Variants in GABRB2 observed in about 807,000 individuals in gnomAD.
The protein encoded by GABRB2 is gamma-aminobutyric acid type A receptor subunit beta2.
GABRB2 carries 16 observed loss-of-function variants against 54.7 expected under a neutral mutation model. The observed-to-expected ratio is 0.29, with a 90% CI of 0.20 to 0.44. The LOEUF is 0.44. Among genes scored for constraint, GABRB2 ranks in the 20% least tolerant of loss-of-function variants. GABRB2 has a pLI of 1.00. For missense variants in GABRB2, 355 were observed against 644.0 expected (o/e 0.55, Z 4.86); for synonymous variants, 244 against 233.8 (o/e 1.04, Z -0.40).
chr5:161,421,784 G>A (rs1357756321), intron 4 of GABRB2, among the ~76,000 whole-genome samples: 2 of 152,108 alleles, frequency 1.3e-5, no homozygotes, highest in African/African-American at 2.4e-5. Flanking sequence ...CAATGGTCAG[G>A]GAGGAAAGCC....
intron 9 of GABRB2, among the ~76,000 whole-genome samples, chr5:161,296,240 T>C (rs1261336413): frequency 2.0e-5 from 3 of 152,232 alleles, no homozygotes; most frequent in Non-Finnish European, 2.9e-5. Context: ...ACACCTATCC[T>C]TTACTGTTAT....
intron 5 of GABRB2, among the ~76,000 whole-genome samples, chr5:161,358,046 T>G (rs1754692177): frequency 6.6e-6 from 1 of 152,152 alleles, no homozygotes. Flanking sequence ...AAGAAGTGAA[T>G]GCAGATTAAG....
At chr5:161,338,832 A>G (rs1352970760) in intron 5 of GABRB2, among the ~76,000 whole-genome samples, 1 of 152,070 alleles carries the variant, frequency 6.6e-6, no homozygotes, top group Non-Finnish European at 1.5e-5. Flanking sequence ...CAGACTCATG[A>G]TTTCAACATA....
intron 3 of GABRB2, among the ~76,000 whole-genome samples, chr5:161,496,138 C>A (rs1384652327): frequency 6.6e-6 from 1 of 152,070 alleles, no homozygotes; most frequent in Non-Finnish European, 1.5e-5. Flanking sequence ...CTCAGAGAAA[C>A]CTGGGAGTGA....
In GABRB2 at chr5:161,418,087, A is replaced by T. The variant is rs1361213788; in HGVS notation, c.459-7030T>A. On this transcript the variant is annotated intron_variant, in intron 4 of 9. Transcript: ENST00000393959. ...TCTTATCCTCTGCAAAGAAACTGTG[A>T]CCATTAAAGGGCTACACAGGTTTCT... Among the ~76,000 whole-genome samples the T allele has an allele frequency of 2.0e-5, 3 of 152,158 alleles. No homozygotes were observed. The East Asian group carries it at 5.8e-4, about 29-fold the overall frequency.
intron 5 of GABRB2, among the ~76,000 whole-genome samples, chr5:161,375,502 T>C (rs563407690): frequency 5.3e-5 from 8 of 152,284 alleles, no homozygotes; most frequent in East Asian, 1.9e-4. Context: ...CAGAGCCTTA[T>C]GGTGGTTTGT....
At chr5:161,354,306 A>G (rs1357946397) in intron 5 of GABRB2, among the ~76,000 whole-genome samples, 2 of 152,074 alleles carry the variant, frequency 1.3e-5, no homozygotes, top group Non-Finnish European at 2.9e-5. Flanking sequence ...ATTCCTTAAA[A>G]TAAATCAAGA....
chr5:161,437,725 A>T (rs1757352195), intron 4 of GABRB2, among the ~76,000 whole-genome samples: 1 of 151,968 alleles, frequency 6.6e-6, no homozygotes, highest in South Asian at 2.1e-4. Context: ...ACTTAAGAGA[A>T]CTTGGACCTT....
At chr5:161,517,396 G>T (rs1012200266) in intron 3 of GABRB2, among the ~76,000 whole-genome samples, 1 of 152,180 alleles carries the variant, frequency 6.6e-6, no homozygotes, top group South Asian at 2.1e-4. Context: ...ATGTGAGCTA[G>T]ATTATAAGGG....
In GABRB2 at chr5:161,290,754, C is replaced by T. The variant is rs867130293; in HGVS notation, c.*3327G>A. The T allele has an allele frequency of 6.6e-6, 1 of 152,490 alleles. No individual in the cohort carries two copies. The highest frequency in any genetic ancestry group is 1.5e-5 in the Non-Finnish European group (1 of 67,984). The allele number at this position is 152,490 out of a possible 1,614,324, so 9.4% of individuals were successfully genotyped here. On this transcript the variant is annotated 3_prime_UTR_variant, in exon 10 of 10. Transcript: ENST00000393959. ...TAATCATTAAACTGGAACACGGTTA[C>T]CTATAGAAAATGGAAATTATCTTAG...
At chr5:161,367,077 CT>C (rs1481682346) in intron 5 of GABRB2, among the ~76,000 whole-genome samples, 1 of 152,080 alleles carries the variant, frequency 6.6e-6, no homozygotes, top group Non-Finnish European at 1.5e-5. Context: ...ATATATTCCA[CT>C]GATAAGGAAA....
At chr5:161,345,286 G>T (rs1561616267) in intron 5 of GABRB2, among the ~76,000 whole-genome samples, 1 of 151,878 alleles carries the variant, frequency 6.6e-6, no homozygotes, top group Non-Finnish European at 1.5e-5. Flanking sequence ...AAAAAAAGTT[G>T]ATGATCTATT....
intron 5 of GABRB2, among the ~76,000 whole-genome samples, chr5:161,346,205 G>A (rs191380811): frequency 1.4e-4 from 22 of 152,176 alleles, no homozygotes; most frequent in African/African-American, 4.6e-4. Context: ...TCATTCCTAA[G>A]TTGAAGAAAA....
chr5:161,543,226 A>C (rs1207391528), intron 3 of GABRB2, among the ~76,000 whole-genome samples: 2 of 152,164 alleles, frequency 1.3e-5, no homozygotes, highest in African/African-American at 4.8e-5. Context: ...AAGTGATGAC[A>C]CCTTGCCTTA....
chr5:161,446,618 CA>C (rs1373889805), intron 4 of GABRB2, among the ~76,000 whole-genome samples: 1 of 152,102 alleles, frequency 6.6e-6, no homozygotes, highest in Non-Finnish European at 1.5e-5. Flanking sequence ...CAACTTTGAA[CA>C]AGTTACTGAA....
Position 161,468,706 on chromosome 5 carries a change from CT to C in GABRB2, c.238-8863del, listed in dbSNP as rs754516509. Among the ~76,000 whole-genome samples the C allele has an allele frequency of 1.4e-4, 21 of 151,924 alleles. 2 individuals carry two copies. The highest frequency in any genetic ancestry group is 9.9e-4 in the Admixed American group (15 of 15,226). On this transcript the variant is annotated intron_variant, in intron 3 of 9. Coordinates refer to ENST00000393959, the MANE Select transcript of GABRB2 (RefSeq NM_001371727.1). Reference sequence around the variant, plus strand: ...TCTTAGCTTATTCACTGATGTACCCCTATGCCTAAAACAGAGCTTAGAACAT... The same window carrying C: ...TCTTAGCTTATTCACTGATGTACCCCATGCCTAAAACAGAGCTTAGAACAT...
At chr5:161,490,325 G>C (rs547815408) in intron 3 of GABRB2, among the ~76,000 whole-genome samples, 148 of 151,732 alleles carry the variant, frequency 9.8e-4, no homozygotes, top group Non-Finnish European at 1.8e-3. Context: ...ATAAACATTT[G>C]AGAGTACCAG....
chr5:161,535,951 C>G (rs1760621084), intron 3 of GABRB2, among the ~76,000 whole-genome samples: 2 of 152,076 alleles, frequency 1.3e-5, no homozygotes, highest in Admixed American at 1.3e-4. Context: ...CCTGGTACCT[C>G]CCCCTACTGG....
At position 161,442,466 on chromosome 5, in the gene GABRB2, A is replaced by G. The variant is rs77237026; in HGVS notation, c.458+17158T>C. Among the ~76,000 whole-genome samples the G allele has an allele frequency of 7.9e-5, 12 of 152,304 alleles. No individual in the cohort carries two copies. In the East Asian group the frequency reaches 2.3e-3, roughly 29 times the overall value. ...TTTTACTGGCCTGTAGCCATATGGA[A>G]AACTTAATGGAAACCAAACCATGCT... On this transcript the variant is annotated intron_variant, in intron 4 of 9. Transcript: ENST00000393959.
Sources: gnomAD v4.1 joint callset for allele counts (sites outside exome capture counted in the v4.1 genomes callset) on GRCh38, gnomAD v4.1.1 for gene constraint, MANE v1.5 for transcripts, NCBI Gene and HGNC (gene_info 2026-07-23, HGNC 2026-07-21) for gene names.